The following GAS2 variants were observed in gnomAD, a reference collection of about 807,000 sequenced individuals.
GAS2 encodes the protein growth arrest specific 2.
In GAS2, 20 loss-of-function variants were observed where a neutral mutation model predicts 37.5. That is an observed-to-expected ratio of 0.53 (90% CI 0.37 to 0.77). The LOEUF is 0.77. Ranked by LOEUF, GAS2 falls within the 30% of genes least tolerant of loss-of-function variation. GAS2 has a pLI of 0.00. For synonymous variants in GAS2, 144 were observed against 132.2 expected (o/e 1.09, Z -0.61); for missense variants, 336 against 373.4 (o/e 0.90, Z 0.82).
chr11:22,676,482 C>A (rs993910029), intron 2 of GAS2, among the ~76,000 whole-genome samples: 3 of 152,134 alleles, frequency 2.0e-5, no homozygotes, highest in Non-Finnish European at 4.4e-5. Context: ...TGAACCCTAC[C>A]TCTGCCACTT....
chr11:22,691,308 C>T (rs1275755969), intron 3 of GAS2, among the ~76,000 whole-genome samples: 1 of 152,124 alleles, frequency 6.6e-6, no homozygotes, highest in Non-Finnish European at 1.5e-5. Flanking sequence ...ATAACAATAC[C>T]TCAGGATGTT....
At chr11:22,765,880 C>A (rs1854664953) in intron 7 of GAS2, among the ~76,000 whole-genome samples, 1 of 152,146 alleles carries the variant, frequency 6.6e-6, no homozygotes, top group African/African-American at 2.4e-5. Flanking sequence ...GCATCTGCTT[C>A]TCAGGAGGCC....
At chr11:22,768,121 C>A (rs1854788300) in intron 7 of GAS2, among the ~76,000 whole-genome samples, 1 of 152,168 alleles carries the variant, frequency 6.6e-6, no homozygotes, top group African/African-American at 2.4e-5. Context: ...ATGATATAGT[C>A]TGCCATCTTG....
intron 4 of GAS2, among the ~76,000 whole-genome samples, 167 bp downstream of exon 4, chr11:22,726,600 T>G (rs961416768): frequency 6.6e-6 from 1 of 152,154 alleles, no homozygotes; most frequent in Non-Finnish European, 1.5e-5. Flanking sequence ...CTTGATACTT[T>G]GAAAATAGAA....
intron 1 of GAS2, among the ~76,000 whole-genome samples, chr11:22,652,758 C>G (rs1848798950): frequency 6.6e-6 from 1 of 152,234 alleles, no homozygotes; most frequent in Non-Finnish European, 1.5e-5. Flanking sequence ...CCCAGTGAGG[C>G]AATGCCTCGC....
At chr11:22,723,699 T>C (rs549652046) in intron 3 of GAS2, among the ~76,000 whole-genome samples, 12 of 152,072 alleles carry the variant, frequency 7.9e-5, no homozygotes, top group African/African-American at 2.9e-4. Flanking sequence ...TGGTAGTTTT[T>C]TCTGCCCGCC....
At chr11:22,788,640 ACAGAG>A (rs1855936806) in intron 7 of GAS2, among the ~76,000 whole-genome samples, 1 of 152,220 alleles carries the variant, frequency 6.6e-6, no homozygotes, top group Non-Finnish European at 1.5e-5. Flanking sequence ...CTAATTGGGG[ACAGAG>A]CTTATGTGAT....
At chr11:22,738,060 T>G (rs1852850476) in intron 5 of GAS2, among the ~76,000 whole-genome samples, 1 of 152,168 alleles carries the variant, frequency 6.6e-6, no homozygotes, top group African/African-American at 2.4e-5. Context: ...GTACATGCAG[T>G]TTTATATGAC....
At chr11:22,659,338 A>G (rs1007890935) in intron 1 of GAS2, among the ~76,000 whole-genome samples, 2 of 152,186 alleles carry the variant, frequency 1.3e-5, no homozygotes, top group Non-Finnish European at 2.9e-5. Context: ...AAAAATAAAA[A>G]TGCAACCCCT....
intron 1 of GAS2, among the ~76,000 whole-genome samples, chr11:22,651,881 G>A (rs144944671): frequency 0.011 from 1,662 of 152,198 alleles, 27 homozygotes; most frequent in East Asian, 0.076. Context: ...CCCACAGCTC[G>A]GAGTAATTTG....
chr11:22,698,966 A>G (rs1011343330), intron 3 of GAS2, among the ~76,000 whole-genome samples: 1 of 152,168 alleles, frequency 6.6e-6, no homozygotes, highest in Non-Finnish European at 1.5e-5. Context: ...GTTTAATTCC[A>G]TATCTTATTT....
chr11:22,761,380 T>C (rs1049375483), intron 7 of GAS2, among the ~76,000 whole-genome samples: 1 of 152,206 alleles, frequency 6.6e-6, no homozygotes, highest in Non-Finnish European at 1.5e-5. Context: ...TACACTTAAC[T>C]AAGCTGCTCT....
At chr11:22,724,009 C>G (rs1159081067) in intron 3 of GAS2, among the ~76,000 whole-genome samples, 1 of 151,700 alleles carries the variant, frequency 6.6e-6, no homozygotes, top group African/African-American at 2.4e-5. Context: ...AATTCCCTTC[C>G]TCAAGGGCAA....
chr11:22,722,235 G>A (rs1433287117), intron 3 of GAS2, among the ~76,000 whole-genome samples: 1 of 151,856 alleles, frequency 6.6e-6, no homozygotes, highest in Non-Finnish European at 1.5e-5. Flanking sequence ...GATGGGAATT[G>A]GAAGGGCACT....
At position 22,700,686 on chromosome 11, in the gene GAS2, G is replaced by A. The variant is rs192296135; in HGVS notation, c.267+14897G>A. ...AAGGTAAAAATTATGATAAAAATGA[G>A]CATATTTATATCCAATGGTTCATTC... On this transcript the variant is annotated intron_variant, in intron 3 of 7. Transcript: ENST00000454584. 3.3e-5 allele frequency among the ~76,000 whole-genome samples: 5 copies of A among 152,198 alleles called. No homozygotes were observed. In the East Asian group the frequency reaches 7.7e-4, roughly 24 times the overall value.
chr11:22,741,392 A>C (rs1007426468), intron 5 of GAS2, among the ~76,000 whole-genome samples: 3 of 152,192 alleles, frequency 2.0e-5, no homozygotes, highest in Admixed American at 6.6e-5. Context: ...TTCATTGCTG[A>C]AAACAAAGTT....
At chr11:22,644,403 TCAG>T (rs1310414438) in intron 1 of GAS2, among the ~76,000 whole-genome samples, 1 of 152,170 alleles carries the variant, frequency 6.6e-6, no homozygotes, top group African/African-American at 2.4e-5. Context: ...ATTGTTTTTA[TCAG>T]TTAATTACCA....
chr11:22,726,032 G>A lies in GAS2; in HGVS notation c.268-260G>A, dbSNP rs140254134. Among the ~76,000 whole-genome samples the A allele has an allele frequency of 3.4e-4, 52 of 152,190 alleles. No homozygotes were observed. In the East Asian group the frequency reaches 7.2e-3, roughly 21 times the overall value. ...AAATTATAGAAGAGAAAGAGAAGCA[G>A]CAGCCTGAGCCAAGAAAAGTACTTA... is the stretch of plus-strand genomic sequence containing the variant. On this transcript the variant is annotated intron_variant, in intron 3 of 7. Transcript: ENST00000454584.
rs1278656124 is a variant in GAS2 at position 22,684,700 on chromosome 11, G to A, written c.146-968G>A. Among the ~76,000 whole-genome samples the A allele has an allele frequency of 3.3e-5, 5 of 152,136 alleles. No homozygotes were observed. The South Asian group carries it at 1.0e-3, about 32-fold the overall frequency. ...TCACCTCAGCCTCCCGAGTAGCTGG[G>A]ACTGCATGCAGGCATGCACCACCAT... On this transcript the variant is annotated intron_variant, in intron 2 of 7. Coordinates refer to ENST00000454584, the MANE Select transcript of GAS2 (RefSeq NM_001143830.3).
Sources: allele counts gnomAD v4.1 joint callset (sites outside exome capture counted in the v4.1 genomes callset), GRCh38; gene constraint gnomAD v4.1.1; transcripts MANE v1.5; gene names NCBI Gene and HGNC (gene_info 2026-07-23, HGNC 2026-07-21).